The following TMEM245 variants were observed in gnomAD, a reference collection of about 807,000 sequenced individuals.
TMEM245 encodes the protein transmembrane protein 245.
A neutral mutation model predicts 101.2 loss-of-function variants in TMEM245; 69 were observed. That is an observed-to-expected ratio of 0.68 (90% CI 0.56 to 0.83). TMEM245 has a LOEUF of 0.83. TMEM245 is among the 40% of genes least tolerant of loss of function. The pLI is 0.00. For missense variants in TMEM245, 1,075 were observed against 1,092.8 expected, an observed-to-expected ratio of 0.98 and a Z score of 0.23; for synonymous variants, 537 against 449.8, an observed-to-expected ratio of 1.19 and a Z score of -2.45.
At chr9:109,093,890 T>C (rs1830071796) in intron 3 of TMEM245, among the ~76,000 whole-genome samples, 1 of 152,220 alleles carries the variant, frequency 6.6e-6, no homozygotes, top group African/African-American at 2.4e-5. Flanking sequence ...AAGTTGATTT[T>C]AATGCATACT....
At position 109,109,330 on chromosome 9, in the gene TMEM245, T is replaced by C. The variant is rs543637550; in HGVS notation, c.580-760A>G. 5.3e-5 allele frequency among the ~76,000 whole-genome samples: 8 copies of C among 152,054 alleles called. No homozygotes were observed. In the South Asian group the frequency reaches 1.7e-3, roughly 32 times the overall value. ...CAGAAACTCATATTTTAATAGAACATTTATAAAACACAGAGGGAATACATA... is the reference window on the plus strand; with the variant it reads ...CAGAAACTCATATTTTAATAGAACACTTATAAAACACAGAGGGAATACATA... On this transcript the variant is annotated intron_variant, in intron 1 of 17. Transcript: ENST00000374586.
At chr9:109,101,926 C>T (rs1417627367) in intron 3 of TMEM245, among the ~76,000 whole-genome samples, 1 of 152,164 alleles carries the variant, frequency 6.6e-6, no homozygotes. Flanking sequence ...GTAGAGAAAA[C>T]CCAACCACAA....
intron 14 of TMEM245, chr9:109,046,344 T>G (rs755457430): frequency 1.9e-6 from 1 of 527,796 alleles, no homozygotes; most frequent in African/African-American, 1.9e-5. Context: ...GGGTGTGATG[T>G]ATACATTCAG....
intron 17 of TMEM245, among the ~76,000 whole-genome samples, chr9:109,024,716 T>C (rs1827745121): frequency 6.6e-6 from 1 of 152,146 alleles, no homozygotes; most frequent in African/African-American, 2.4e-5. Flanking sequence ...ACTGCAAAGA[T>C]GACACTGCCT....
Position 109,106,911 on chromosome 9 carries a change from G to T in TMEM245, c.698-302C>A, listed in dbSNP as rs368149151. ...TATACCAAAGGTCTAAAACCATCCCGAACTCAAACCATCTACTTCACCCCA... is the reference window on the plus strand; with the variant it reads ...TATACCAAAGGTCTAAAACCATCCCTAACTCAAACCATCTACTTCACCCCA... On this transcript the variant is annotated intron_variant, in intron 2 of 17. Transcript: ENST00000374586. 9.2e-4 allele frequency among the ~76,000 whole-genome samples: 140 copies of T among 152,082 alleles called. 3 individuals are homozygous for T. The South Asian group carries it at 0.026, about 28-fold the overall frequency.
intron 9 of TMEM245, among the ~76,000 whole-genome samples, chr9:109,066,452 CAAAAA>C (rs386415818): frequency 3.8e-5 from 2 of 52,480 alleles, no homozygotes; most frequent in Middle Eastern, 0.015. Context: ...AAGACTGTCT[CAAAAA>C]AAAAAAAAAA....
Position 109,045,840 on chromosome 9 carries a change from A to C in TMEM245, c.2123+4443T>G, listed in dbSNP as rs138740532. ...TAATTTAATTTCCCCAAATATGCATAAGAGATTTCTGCTTCTCTATTCCAG... is the reference window on the plus strand; with the variant it reads ...TAATTTAATTTCCCCAAATATGCATCAGAGATTTCTGCTTCTCTATTCCAG... On this transcript the variant is annotated intron_variant, in intron 14 of 17. Transcript: ENST00000374586. Among the ~76,000 whole-genome samples, 1,208 of 152,326 alleles carry C rather than the reference A, an allele frequency of 7.9e-3. 6 individuals are homozygous for C. Among genetic ancestry groups the C allele is most frequent in the South Asian group, 0.027 (132 of 4,828 alleles).
intron 6 of TMEM245, among the ~76,000 whole-genome samples, chr9:109,086,613 T>G (rs79470951): frequency 0.017 from 2,566 of 152,298 alleles, 76 homozygotes; most frequent in African/African-American, 0.059. Context: ...ATTGTACCTA[T>G]TTTACTGGTA....
At chr9:109,041,837 T>C (rs1828318390) in intron 14 of TMEM245, among the ~76,000 whole-genome samples, 1 of 152,112 alleles carries the variant, frequency 6.6e-6, no homozygotes, top group African/African-American at 2.4e-5. Flanking sequence ...CATTCATTTT[T>C]ATTTGTTGTC....
Position 109,093,496 on chromosome 9 carries a change from G to T in TMEM245, c.895C>A (p.Gln299Lys). 1.2e-6 allele frequency: 2 copies of T among 1,613,784 alleles called. No homozygotes were observed. Among genetic ancestry groups the T allele is most frequent in the South Asian group, 1.1e-5 (1 of 91,000 alleles). ...TCACCTGCAGGCTGAGTGGAGGGCT[G>T]GTCTTCACTGCTTGATTCATACCCT... is the stretch of plus-strand genomic sequence containing the variant. ...ITGYESSSED[Q>K]PSTQPAEAVD... The change falls in exon 4 of 18, where the codon CAG becomes AAG. Residue 299 changes from glutamine to lysine, a missense_variant. Around this residue, in one of 2 missense-constraint regions of TMEM245, gnomAD observed 808 missense variants for 741.5 expected, o/e 1.09. Transcript: ENST00000374586.
chr9:109,097,333 A>G (rs971048601), intron 3 of TMEM245, among the ~76,000 whole-genome samples: 5 of 152,234 alleles, frequency 3.3e-5, no homozygotes, highest in African/African-American at 9.7e-5. Context: ...AGGAAGTTCA[A>G]TAAGACCGGA....
At chr9:109,083,410 C>T (rs1325454443) in intron 7 of TMEM245, among the ~76,000 whole-genome samples, 3 of 152,148 alleles carry the variant, frequency 2.0e-5, no homozygotes, top group Non-Finnish European at 2.9e-5. Flanking sequence ...TGGAAATTAC[C>T]AAGTCTCTAA....
intron 3 of TMEM245, among the ~76,000 whole-genome samples, chr9:109,102,488 A>G (rs868832251): frequency 6.6e-6 from 1 of 152,248 alleles, no homozygotes; most frequent in South Asian, 2.1e-4. Context: ...CAGCCTCATG[A>G]TGAGAATAAA....
chr9:109,050,200 T>C, intron 14 of TMEM245, 83 bp downstream of exon 14: 1 of 1,512,088 alleles, frequency 6.6e-7, no homozygotes, highest in South Asian at 1.2e-5. Flanking sequence ...CTGAATGTTA[T>C]CAGGATGCTC....
At chr9:109,095,396 A>C (rs10217319) in intron 3 of TMEM245, among the ~76,000 whole-genome samples, 8,850 of 152,262 alleles carry the variant, frequency 0.058, 432 homozygotes, top group East Asian at 0.17. Context: ...CTATAAAAAG[A>C]AATGCTGGGT....
rs1829313640 is a variant in TMEM245 at position 109,070,999 on chromosome 9, A to T, written c.1532+2357T>A. 2.6e-5 allele frequency among the ~76,000 whole-genome samples: 4 copies of T among 152,160 alleles called. 1 individual carries two copies. The South Asian group carries it at 8.3e-4, about 32-fold the overall frequency. On this transcript the variant is annotated intron_variant, in intron 9 of 17. Coordinates refer to ENST00000374586, the MANE Select transcript of TMEM245 (RefSeq NM_032012.4). Reference sequence around the variant, plus strand: ...CGAGTTCAAGCGATTCATGTGCCTCAGCCTCCCAAGTACCTGGGATTACAG... The same window carrying T: ...CGAGTTCAAGCGATTCATGTGCCTCTGCCTCCCAAGTACCTGGGATTACAG...
chr9:109,112,287 T>A (rs1830586605), intron 1 of TMEM245, among the ~76,000 whole-genome samples: 1 of 152,112 alleles, frequency 6.6e-6, no homozygotes, highest in Non-Finnish European at 1.5e-5. Context: ...ACACCTGTAA[T>A]CCTTGCACTT....
chr9:109,090,893 G>A lies in TMEM245; in HGVS notation c.1150+29C>T, dbSNP rs534614375. The A allele has an allele frequency of 6.9e-6, 11 of 1,590,984 alleles. No individual in the cohort carries two copies. The South Asian group carries it at 1.0e-4, about 15-fold the overall frequency. On this transcript the variant is annotated intron_variant, in intron 5 of 17. Transcript: ENST00000374586. ...GAAAAAAATCAATCTTCAAAGACAA[G>A]ACGAGATCGTACTTAACCAGATAAC...
At chr9:109,098,221 C>T (rs1367336642) in intron 3 of TMEM245, among the ~76,000 whole-genome samples, 2 of 152,138 alleles carry the variant, frequency 1.3e-5, no homozygotes, top group African/African-American at 4.8e-5. Context: ...TCAATTAAAT[C>T]TTCAAAACTG....
Sources: allele counts gnomAD v4.1 joint callset (sites outside exome capture counted in the v4.1 genomes callset), GRCh38; gene constraint gnomAD v4.1.1; regional missense constraint gnomAD v4.1.1; transcripts MANE v1.5; gene names NCBI Gene and HGNC (gene_info 2026-07-23, HGNC 2026-07-21).